DNM3: variants seen among roughly 807,000 people sequenced by gnomAD.
DNM3 encodes dynamin-3.
A neutral mutation model predicts 101.6 loss-of-function variants in DNM3; 47 were observed. The ratio of observed to expected loss-of-function variants is 0.46; its 90% CI spans 0.37 to 0.59. DNM3 has a LOEUF of 0.59. DNM3 is among the 20% of genes least tolerant of loss of function. The probability of loss-of-function intolerance (pLI) is 0.00; values close to 1 mark genes in which losing one functional copy is unlikely to be tolerated. For missense variants in DNM3, 849 were observed against 1,085.7 expected, an observed-to-expected ratio of 0.78 and a Z score of 3.06; for synonymous variants, 385 against 387.9, an observed-to-expected ratio of 0.99 and a Z score of 0.09.
chr1:171,975,666 G>A (rs1289992058), intron 2 of DNM3, among the ~76,000 whole-genome samples: 1 of 152,202 alleles, frequency 6.6e-6, no homozygotes, highest in Non-Finnish European at 1.5e-5. Context: ...TCTGAATGAT[G>A]TTACAATGTT....
intron 2 of DNM3, among the ~76,000 whole-genome samples, chr1:171,956,948 G>C (rs549118884): frequency 6.6e-6 from 1 of 152,256 alleles, no homozygotes; most frequent in Admixed American, 6.5e-5. Context: ...GAGTGGCTGG[G>C]ATATAGGGCA....
chr1:172,103,956 G>A (rs1001448614), intron 13 of DNM3, among the ~76,000 whole-genome samples: 9 of 152,300 alleles, frequency 5.9e-5, no homozygotes, highest in South Asian at 4.1e-4. Flanking sequence ...AGCCCAGATC[G>A]TGCCACTGCA....
intron 15 of DNM3, among the ~76,000 whole-genome samples, chr1:172,278,510 C>T (rs2063372593): frequency 6.6e-6 from 1 of 152,146 alleles, no homozygotes; most frequent in East Asian, 1.9e-4. Flanking sequence ...GGGCCTCATG[C>T]AGCCGTGGGC....
At chr1:171,908,656 A>G (rs537003177) in intron 1 of DNM3, among the ~76,000 whole-genome samples, 1 of 139,104 alleles carries the variant, frequency 7.2e-6, no homozygotes, top group East Asian at 2.0e-4. Context: ...TTTTAAATGA[A>G]TAATAATAAT....
chr1:171,938,145 A>C (rs1332883499), intron 2 of DNM3, among the ~76,000 whole-genome samples: 1 of 152,050 alleles, frequency 6.6e-6, no homozygotes, highest in African/African-American at 2.4e-5. Flanking sequence ...CCAGGCACTC[A>C]TTCAATGTTG....
At chr1:172,301,960 G>T (rs1006484791) in intron 15 of DNM3, among the ~76,000 whole-genome samples, 6 of 152,178 alleles carry the variant, frequency 3.9e-5, no homozygotes, top group African/African-American at 1.4e-4. Context: ...CTCCCAGCGT[G>T]ATCTACTCAG....
intron 5 of DNM3, 36 bp from the exon 6 acceptor site, chr1:172,033,069 G>T: frequency 6.3e-7 from 1 of 1,599,722 alleles, no homozygotes; most frequent in Non-Finnish European, 8.5e-7. Context: ...GCCACAAAAA[G>T]TGTCCCCAAC....
chr1:172,158,477 G>A (rs1272732997), intron 14 of DNM3, among the ~76,000 whole-genome samples: 1 of 152,030 alleles, frequency 6.6e-6, no homozygotes, highest in African/African-American at 2.4e-5. Flanking sequence ...GACAGACCTA[G>A]AGAACATCCA....
At chr1:172,029,898 A>C (rs1366821043) in intron 4 of DNM3, among the ~76,000 whole-genome samples, 1 of 152,212 alleles carries the variant, frequency 6.6e-6, no homozygotes, top group Non-Finnish European at 1.5e-5. Flanking sequence ...TGCTCAAGGA[A>C]ATAAAAGAGG....
chr1:172,179,632 G>A (rs1219784614), intron 14 of DNM3, among the ~76,000 whole-genome samples: 1 of 151,236 alleles, frequency 6.6e-6, no homozygotes, highest in African/African-American at 2.4e-5. Flanking sequence ...TTTTAATGAT[G>A]CTATGCCGGA....
chr1:172,275,681 A>C (rs2063257753), intron 15 of DNM3, among the ~76,000 whole-genome samples: 1 of 152,076 alleles, frequency 6.6e-6, no homozygotes, highest in African/African-American at 2.4e-5. Context: ...TAGTGTACTC[A>C]AGCCAGAAGT....
intron 6 of DNM3, 39 bp from the exon 7 acceptor site, chr1:172,038,278 ATT>A: frequency 6.2e-7 from 1 of 1,610,668 alleles, no homozygotes. Flanking sequence ...TGTGTATATG[ATT>A]CAATCTTCAA....
rs150862521 is a variant in DNM3 at position 172,348,461 on chromosome 1, C to T, written c.1893+25121C>T. 2.6e-3 allele frequency among the ~76,000 whole-genome samples: 394 copies of T among 152,266 alleles called. 1 individual carries two copies. Among genetic ancestry groups the T allele is most frequent in the African/African-American group, 9.0e-3 (373 of 41,552 alleles). ...TTAGACGGACTGCTGATTAGTTTAA[C>T]CTGTACAATATCGTTCAACAGATGA... On this transcript the variant is annotated intron_variant, in intron 17 of 20. Transcript: ENST00000627582.
chr1:171,887,160 T>C (rs943566986), intron 1 of DNM3, among the ~76,000 whole-genome samples: 12 of 152,160 alleles, frequency 7.9e-5, no homozygotes, highest in African/African-American at 2.7e-4. Flanking sequence ...TTCAGGCTTG[T>C]AGAAGTCTTC....
chr1:172,109,750 T>A (rs1288579742), intron 13 of DNM3, among the ~76,000 whole-genome samples: 1 of 152,214 alleles, frequency 6.6e-6, no homozygotes, highest in Non-Finnish European at 1.5e-5. Flanking sequence ...CTGTTACTTA[T>A]ATGTTCTTTA....
intron 10 of DNM3, among the ~76,000 whole-genome samples, chr1:172,061,789 G>A (rs2051243108): frequency 2.0e-5 from 3 of 151,622 alleles, no homozygotes; most frequent in African/African-American, 4.8e-5. Context: ...CATGGCACAT[G>A]TATACATATG....
At chr1:172,258,283 T>A (rs2062500731) in intron 15 of DNM3, among the ~76,000 whole-genome samples, 1 of 152,110 alleles carries the variant, frequency 6.6e-6, no homozygotes, top group Admixed American at 6.6e-5. Flanking sequence ...GATTTCCTTT[T>A]CTTTGACTGA....
At chr1:172,043,986 G>A (rs1334586872) in intron 8 of DNM3, among the ~76,000 whole-genome samples, 1 of 152,204 alleles carries the variant, frequency 6.6e-6, no homozygotes, top group Non-Finnish European at 1.5e-5. Flanking sequence ...GACAGCCATT[G>A]TTAATTTCAG....
intron 16 of DNM3, chr1:172,309,806 A>T (rs561105262): frequency 1.3e-5 from 2 of 152,340 alleles, no homozygotes; most frequent in East Asian, 3.9e-4. Flanking sequence ...TTCAGGGCTG[A>T]CCACATCTCT....
Sources: allele counts gnomAD v4.1 joint callset (sites outside exome capture counted in the v4.1 genomes callset), GRCh38; gene constraint gnomAD v4.1.1; transcripts MANE v1.5; gene names NCBI Gene and HGNC (gene_info 2026-07-23, HGNC 2026-07-21).